PHF14: variants seen among roughly 807,000 people sequenced by gnomAD.
PHF14 encodes PHD finger protein 14.
A neutral mutation model predicts 117.9 loss-of-function variants in PHF14; 55 were observed. The ratio of observed to expected loss-of-function variants is 0.47; its 90% confidence interval spans 0.38 to 0.58. The LOEUF is 0.58. Ranked by LOEUF, PHF14 falls within the 20% of genes least tolerant of loss-of-function variation. The probability of loss-of-function intolerance (pLI) is 0.00; values close to 1 mark genes in which losing one functional copy is unlikely to be tolerated. For missense variants in PHF14, 978 were observed against 1,122.2 expected, an observed-to-expected ratio of 0.87 and a Z score of 1.84; for synonymous variants, 409 against 368.6, an observed-to-expected ratio of 1.11 and a Z score of -1.26.
At chr7:11,069,598 A>C in intron 16 of PHF14, among the ~76,000 whole-genome samples, 1 of 144,564 alleles carries the variant, frequency 6.9e-6, no homozygotes, top group Middle Eastern at 3.6e-3. Context: ...CTGTGAACGT[A>C]TTCCCTCCCT....
intron 5 of PHF14, among the ~76,000 whole-genome samples, chr7:11,022,507 T>C (rs1187386686): frequency 6.6e-6 from 1 of 152,198 alleles, no homozygotes; most frequent in Non-Finnish European, 1.5e-5. Context: ...CGTGACTACC[T>C]TTCCTTGCAT....
chr7:10,980,976 G>C (rs2128307853), intron 2 of PHF14, among the ~76,000 whole-genome samples: 1 of 152,144 alleles, frequency 6.6e-6, no homozygotes, highest in African/African-American at 2.4e-5. Context: ...GTAAGCTATG[G>C]ATACCTACAT....
intron 16 of PHF14, among the ~76,000 whole-genome samples, chr7:11,099,413 G>A (rs1787003353): frequency 6.6e-6 from 1 of 152,066 alleles, no homozygotes; most frequent in Non-Finnish European, 1.5e-5. Context: ...AAAGAAAACA[G>A]AAGCCTGAAC....
At chr7:11,099,695 T>G (rs1583465168) in intron 16 of PHF14, among the ~76,000 whole-genome samples, 1 of 152,118 alleles carries the variant, frequency 6.6e-6, no homozygotes, top group South Asian at 2.1e-4. Flanking sequence ...ATGAATGACC[T>G]TGAATCAAGT....
chr7:11,018,610 A>C (rs1291136732), intron 5 of PHF14, among the ~76,000 whole-genome samples: 1 of 152,146 alleles, frequency 6.6e-6, no homozygotes, highest in Non-Finnish European at 1.5e-5. Context: ...TTGCAACTTT[A>C]CTGAATTTAT....
At chr7:11,070,911 G>T (rs1181042340) in intron 16 of PHF14, among the ~76,000 whole-genome samples, 1 of 152,126 alleles carries the variant, frequency 6.6e-6, no homozygotes, top group Non-Finnish European at 1.5e-5. Flanking sequence ...TTTGGGCAGG[G>T]ACATTTCTTT....
chr7:11,136,447 A>G (rs1308995490), intron 17 of PHF14, among the ~76,000 whole-genome samples: 2 of 152,184 alleles, frequency 1.3e-5, no homozygotes, highest in Non-Finnish European at 2.9e-5. Context: ...AAGTATCTGT[A>G]CTATGAATGA....
intron 17 of PHF14, among the ~76,000 whole-genome samples, chr7:11,165,612 T>C (rs1298777705): frequency 6.6e-6 from 1 of 152,182 alleles, no homozygotes; most frequent in African/African-American, 2.4e-5. Flanking sequence ...TATCCAGGTA[T>C]TACCTGAGTG....
At chr7:11,060,884 C>T (rs1357441749) in intron 14 of PHF14, among the ~76,000 whole-genome samples, 1 of 148,648 alleles carries the variant, frequency 6.7e-6, no homozygotes, top group Admixed American at 6.8e-5. Flanking sequence ...AAGTAGTTAG[C>T]CATGGTATTA....
intron 17 of PHF14, among the ~76,000 whole-genome samples, chr7:11,123,308 T>G (rs1285933324): frequency 6.6e-6 from 1 of 152,156 alleles, no homozygotes; most frequent in South Asian, 2.1e-4. Context: ...AGCAATAAAT[T>G]TACATATATG....
Position 10,983,166 on chromosome 7 carries a change from C to T in PHF14, c.900+7C>T, listed in dbSNP as rs765042875. The stretch of plus-strand genomic sequence containing the variant: ...TCAAAGCAAGAGTAATGAGGTAGAT[C>T]AACCCAATTTTTATATCTGTCTGTC... On this transcript the variant is annotated splice_region_variant and intron_variant, in intron 3 of 17. Transcript: ENST00000634607. The T allele has an allele frequency of 5.7e-6, 9 of 1,579,790 alleles. No individual in the cohort carries two copies. Among genetic ancestry groups the T allele is most frequent in the Non-Finnish European group, 7.7e-6 (9 of 1,169,546 alleles).
At chr7:11,014,660 T>A (rs1208643087) in intron 5 of PHF14, among the ~76,000 whole-genome samples, 1 of 152,146 alleles carries the variant, frequency 6.6e-6, no homozygotes, top group Non-Finnish European at 1.5e-5. Flanking sequence ...CTACGAGACC[T>A]CCTGCCATTG....
chr7:11,129,236 G>T (rs1170536012), intron 17 of PHF14, among the ~76,000 whole-genome samples: 1 of 152,044 alleles, frequency 6.6e-6, no homozygotes, highest in African/African-American at 2.4e-5. Context: ...GAGGCCCAAG[G>T]CTGTTTATTG....
At chr7:11,149,764 T>C (rs996327105) in intron 17 of PHF14, among the ~76,000 whole-genome samples, 2 of 152,114 alleles carry the variant, frequency 1.3e-5, no homozygotes, top group Non-Finnish European at 2.9e-5. Flanking sequence ...CATGAATGAA[T>C]AGAGATTCTC....
At chr7:11,068,567 G>A (rs1785502662) in intron 16 of PHF14, among the ~76,000 whole-genome samples, 2 of 152,134 alleles carry the variant, frequency 1.3e-5, no homozygotes, top group African/African-American at 4.8e-5. Flanking sequence ...GGGGTACAGA[G>A]TTTCAGCTGG....
At chr7:10,992,274 G>A (rs1162272593) in intron 4 of PHF14, among the ~76,000 whole-genome samples, 3 of 150,238 alleles carry the variant, frequency 2.0e-5, no homozygotes, top group Non-Finnish European at 4.4e-5. Context: ...GGCTGGTCTC[G>A]ATTTCCTGGC....
At chr7:11,097,801 C>T (rs1473491505) in intron 16 of PHF14, among the ~76,000 whole-genome samples, 2 of 152,186 alleles carry the variant, frequency 1.3e-5, no homozygotes, top group Non-Finnish European at 2.9e-5. Flanking sequence ...AGTGCACACT[C>T]TTCCAAATCT....
intron 16 of PHF14, among the ~76,000 whole-genome samples, chr7:11,084,067 T>A (rs1786278524): frequency 6.6e-6 from 1 of 152,194 alleles, no homozygotes; most frequent in Non-Finnish European, 1.5e-5. Context: ...AAAGACACTA[T>A]TTTTACAAGC....
At chr7:11,013,333 T>A (rs1783417984) in intron 4 of PHF14, among the ~76,000 whole-genome samples, 2 of 152,038 alleles carry the variant, frequency 1.3e-5, no homozygotes, top group Non-Finnish European at 2.9e-5. Flanking sequence ...GGATAATTTT[T>A]GTGTTTTTAG....
Sources: allele counts gnomAD v4.1 joint callset (sites outside exome capture counted in the v4.1 genomes callset), GRCh38; gene constraint gnomAD v4.1.1; transcripts MANE v1.5; gene names NCBI Gene and HGNC (gene_info 2026-07-23, HGNC 2026-07-21).